UNC5D: variants seen among roughly 807,000 people sequenced by gnomAD.
UNC5D encodes the protein unc-5 netrin receptor D.
A neutral mutation model predicts 105.4 loss-of-function variants in UNC5D; 39 were observed. The ratio of observed to expected loss-of-function variants is 0.37; its 90% CI spans 0.29 to 0.48. UNC5D has a LOEUF of 0.48. Among genes scored for constraint, UNC5D ranks in the 20% least tolerant of loss-of-function variants. The pLI is 0.98. For missense variants in UNC5D, 991 were observed against 1,202.4 expected (o/e 0.82, Z 2.60); for synonymous variants, 452 against 450.4 (o/e 1.00, Z -0.04).
At chr8:35,313,780 A>G (rs957614251) in intron 1 of UNC5D, among the ~76,000 whole-genome samples, 23 of 152,200 alleles carry the variant, frequency 1.5e-4, no homozygotes, top group African/African-American at 4.8e-4. Flanking sequence ...TTACATGGAC[A>G]TAATAACAGT....
intron 1 of UNC5D, among the ~76,000 whole-genome samples, chr8:35,379,535 T>C (rs922800416): frequency 3.9e-5 from 6 of 152,200 alleles, no homozygotes; most frequent in African/African-American, 1.4e-4. Flanking sequence ...GACTCTTTTC[T>C]AGAACAACTG....
intron 1 of UNC5D, among the ~76,000 whole-genome samples, chr8:35,484,023 G>C (rs563550765): frequency 1.3e-4 from 20 of 152,224 alleles, no homozygotes; most frequent in Non-Finnish European, 2.6e-4. Flanking sequence ...TGCCTCTAGA[G>C]ACCTACTTTC....
intron 2 of UNC5D, among the ~76,000 whole-genome samples, chr8:35,563,495 GGTTGTCAGTTCCAAT>G (rs1361170501): frequency 6.6e-6 from 1 of 151,508 alleles, no homozygotes; most frequent in Non-Finnish European, 1.5e-5. Context: ...TATAGAATTT[GGTTGTCAGTTCCAAT>G]GTTTCTTGGT....
chr8:35,764,648 G>C (rs2131701075), intron 14 of UNC5D, among the ~76,000 whole-genome samples: 1 of 152,330 alleles, frequency 6.6e-6, no homozygotes, highest in Non-Finnish European at 1.5e-5. Flanking sequence ...AGGAAGAAAA[G>C]AGATCATAAG....
intron 16 of UNC5D, among the ~76,000 whole-genome samples, chr8:35,781,648 T>A (rs1802507684): frequency 6.6e-6 from 1 of 152,238 alleles, no homozygotes; most frequent in Admixed American, 6.5e-5. Context: ...AATGATTGTA[T>A]CTAATTTATT....
intron 4 of UNC5D, among the ~76,000 whole-genome samples, chr8:35,597,302 A>G (rs980995684): frequency 6.6e-6 from 1 of 152,188 alleles, no homozygotes; most frequent in Non-Finnish European, 1.5e-5. Flanking sequence ...TTTTTTATTG[A>G]ATGTCAAACA....
At chr8:35,454,747 A>T (rs1311812946) in intron 1 of UNC5D, among the ~76,000 whole-genome samples, 6 of 152,002 alleles carry the variant, frequency 3.9e-5, no homozygotes, top group Non-Finnish European at 8.8e-5. Context: ...AATTTAAAAC[A>T]CCAATGAAAT....
chr8:35,515,201 TG>T lies in UNC5D; in HGVS notation c.104-34090del, dbSNP rs147196472. On this transcript the variant is annotated intron_variant, in intron 1 of 16. Transcript: ENST00000404895. ...AACTTTTGTGGCCTTACCAAAGATC[TG>T]AATTAATTGCCTGAAATTATTGTTG... Among the ~76,000 whole-genome samples the T allele has an allele frequency of 8.3e-3, 1,270 of 152,350 alleles. 25 individuals carry two copies. Among genetic ancestry groups the T allele is most frequent in the African/African-American group, 0.029 (1,208 of 41,584 alleles).
intron 7 of UNC5D, among the ~76,000 whole-genome samples, chr8:35,687,170 G>A (rs72634974): frequency 0.084 from 12,807 of 152,174 alleles, 619 homozygotes; most frequent in Middle Eastern, 0.16. Flanking sequence ...TAGGCCGGGC[G>A]CAGTGGCTCA....
intron 1 of UNC5D, among the ~76,000 whole-genome samples, chr8:35,478,125 T>A (rs991200151): frequency 6.6e-6 from 1 of 152,142 alleles, no homozygotes; most frequent in African/African-American, 2.4e-5. Context: ...GATCTTAATA[T>A]TCAGAATCTC....
At chr8:35,334,120 G>A (rs773400139) in intron 1 of UNC5D, among the ~76,000 whole-genome samples, 49 of 152,050 alleles carry the variant, frequency 3.2e-4, no homozygotes, top group Admixed American at 1.5e-3. Flanking sequence ...CAACCCAAGG[G>A]ATTGAAACAC....
chr8:35,642,730 A>C (rs1451374424), intron 4 of UNC5D, among the ~76,000 whole-genome samples: 2 of 152,280 alleles, frequency 1.3e-5, no homozygotes, highest in African/African-American at 2.4e-5. Flanking sequence ...CATACTGCAA[A>C]GATTACTAGG....
At chr8:35,288,433 A>T (rs1265325785) in intron 1 of UNC5D, among the ~76,000 whole-genome samples, 1 of 152,212 alleles carries the variant, frequency 6.6e-6, no homozygotes, top group Non-Finnish European at 1.5e-5. Context: ...AAGGGAGTTT[A>T]TCACCACTAG....
intron 8 of UNC5D, chr8:35,721,555 A>G (rs1341379535): frequency 2.8e-6 from 2 of 702,350 alleles, no homozygotes; most frequent in Non-Finnish European, 5.2e-6. Flanking sequence ...TTGGTGTCAG[A>G]AAACATCTGC....
chr8:35,568,561 C>T (rs868531628), intron 3 of UNC5D, among the ~76,000 whole-genome samples: 41 of 152,108 alleles, frequency 2.7e-4, no homozygotes, highest in African/African-American at 7.7e-4. Context: ...TGGTGGTGTG[C>T]GTCTGTCGTC....
At chr8:35,543,253 AAG>A (rs1684187638) in intron 1 of UNC5D, among the ~76,000 whole-genome samples, 1 of 152,210 alleles carries the variant, frequency 6.6e-6, no homozygotes, top group African/African-American at 2.4e-5. Context: ...GGAGACAGAA[AAG>A]GAGAAAAAAA....
intron 1 of UNC5D, among the ~76,000 whole-genome samples, chr8:35,385,061 G>T (rs996754793): frequency 2.6e-5 from 4 of 152,148 alleles, no homozygotes; most frequent in Admixed American, 6.5e-5. Context: ...GGAGACCTTG[G>T]CAGGCCGCCA....
At chr8:35,529,324 G>C (rs1313553539) in intron 1 of UNC5D, among the ~76,000 whole-genome samples, 3 of 116,460 alleles carry the variant, frequency 2.6e-5, no homozygotes, top group Non-Finnish European at 5.0e-5. Context: ...CCCATTGCTT[G>C]TTTTTCTCAG....
intron 1 of UNC5D, among the ~76,000 whole-genome samples, chr8:35,349,069 T>C (rs1812017711): frequency 6.6e-6 from 1 of 151,936 alleles, no homozygotes; most frequent in Non-Finnish European, 1.5e-5. Flanking sequence ...GAAAGCTGAT[T>C]CTCATATTTG....
Sources: allele counts gnomAD v4.1 joint callset (sites outside exome capture counted in the v4.1 genomes callset), GRCh38; gene constraint gnomAD v4.1.1; transcripts MANE v1.5; gene names NCBI Gene and HGNC (gene_info 2026-07-23, HGNC 2026-07-21).